RASAL2: variants seen among roughly 807,000 people sequenced by gnomAD.
RASAL2 encodes ras GTPase-activating protein nGAP.
A neutral mutation model predicts 128.9 loss-of-function variants in RASAL2; 58 were observed. That is an observed-to-expected ratio of 0.45 (90% CI 0.36 to 0.56). The LOEUF (loss-of-function observed/expected upper bound fraction) is 0.56, where lower values mean the gene tolerates loss of function less well. RASAL2 is among the 20% of genes least tolerant of loss of function. RASAL2 has a pLI of 0.00. For missense variants in RASAL2, 1,360 were observed against 1,601.6 expected (o/e 0.85, Z 2.57); for synonymous variants, 561 against 580.8 (o/e 0.97, Z 0.49).
At chr1:178,284,645 G>T (rs375611075) in intron 2 of RASAL2, among the ~76,000 whole-genome samples, 9 of 152,004 alleles carry the variant, frequency 5.9e-5, no homozygotes, top group African/African-American at 9.7e-5. Flanking sequence ...TCATTTATTT[G>T]CTTATTGGTG....
intron 1 of RASAL2, among the ~76,000 whole-genome samples, chr1:178,211,157 C>G (rs749429160): frequency 1.1e-4 from 16 of 152,174 alleles, no homozygotes; most frequent in Admixed American, 2.6e-4. Context: ...AAGAACTGCT[C>G]CTGATACCAT....
chr1:178,220,156 T>C (rs1451948746), intron 1 of RASAL2, among the ~76,000 whole-genome samples: 1 of 152,194 alleles, frequency 6.6e-6, no homozygotes, highest in Non-Finnish European at 1.5e-5. Flanking sequence ...GTGCCATGCC[T>C]GTATAGGCTG....
At chr1:178,269,462 T>C (rs1157369768) in intron 1 of RASAL2, among the ~76,000 whole-genome samples, 1 of 152,238 alleles carries the variant, frequency 6.6e-6, no homozygotes, top group Non-Finnish European at 1.5e-5. Context: ...CTTACCAGGC[T>C]GCATTCCCAG....
intron 2 of RASAL2, among the ~76,000 whole-genome samples, chr1:178,296,988 T>C (rs1667543738): frequency 6.6e-6 from 1 of 150,860 alleles, no homozygotes; most frequent in Non-Finnish European, 1.5e-5. Context: ...TTTTTTTTAG[T>C]TGAGGCAAAA....
In RASAL2 at chr1:178,177,850, C is replaced by T. The variant is rs193137605; in HGVS notation, c.202+83156C>T. 1.1e-3 allele frequency among the ~76,000 whole-genome samples: 169 copies of T among 152,164 alleles called. 1 individual carries two copies. The highest frequency in any genetic ancestry group is 3.7e-3 in the African/African-American group (155 of 41,510). On this transcript the variant is annotated intron_variant, in intron 1 of 17. Coordinates refer to ENST00000367649, the MANE Select transcript of RASAL2 (RefSeq NM_170692.4). The stretch of plus-strand genomic sequence containing the variant: ...ACTATAGAACATGATAATTCTGAAA[C>T]GTTCTGTAAATAGTTTTTGTAATTA...
At chr1:178,467,072 T>G (rs1647784020) in intron 16 of RASAL2, among the ~76,000 whole-genome samples, 1 of 152,160 alleles carries the variant, frequency 6.6e-6, no homozygotes. Context: ...ATGAAATAAG[T>G]TGTGCTCAGG....
At chr1:178,442,239 A>T (rs1676705457) in intron 7 of RASAL2, among the ~76,000 whole-genome samples, 1 of 152,164 alleles carries the variant, frequency 6.6e-6, no homozygotes, top group Non-Finnish European at 1.5e-5. Context: ...GTCTTACTGC[A>T]GATATTATTG....
chr1:178,204,641 A>G (rs927889581), intron 1 of RASAL2, among the ~76,000 whole-genome samples: 3 of 152,258 alleles, frequency 2.0e-5, no homozygotes, highest in Non-Finnish European at 4.4e-5. Flanking sequence ...TGCATAAATT[A>G]AAAAGCAAAA....
At chr1:178,272,139 G>A (rs1357073692) in intron 1 of RASAL2, among the ~76,000 whole-genome samples, 1 of 152,068 alleles carries the variant, frequency 6.6e-6, no homozygotes, top group African/African-American at 2.4e-5. Flanking sequence ...ACCCCATTAA[G>A]TTGATGTTCC....
At chr1:178,444,343 C>T (rs922590474) in intron 8 of RASAL2, among the ~76,000 whole-genome samples, 13 of 152,044 alleles carry the variant, frequency 8.6e-5, no homozygotes, top group African/African-American at 2.9e-4. Flanking sequence ...AGAATGTTAC[C>T]GTTACCCCCA....
intron 5 of RASAL2, among the ~76,000 whole-genome samples, chr1:178,425,640 G>C (rs1675468577): frequency 6.6e-6 from 1 of 151,970 alleles, no homozygotes; most frequent in Admixed American, 6.6e-5. Context: ...CCATTCTTCA[G>C]GATCTTCAAG....
At chr1:178,135,629 G>A (rs989547419) in intron 1 of RASAL2, among the ~76,000 whole-genome samples, 1 of 151,820 alleles carries the variant, frequency 6.6e-6, no homozygotes, top group Non-Finnish European at 1.5e-5. Context: ...AAAAGAAATA[G>A]CATTTTACAT....
At chr1:178,300,637 A>G (rs1425368236) in intron 3 of RASAL2, among the ~76,000 whole-genome samples, 1 of 152,134 alleles carries the variant, frequency 6.6e-6, no homozygotes, top group Admixed American at 6.6e-5. Flanking sequence ...GAGAAATCCT[A>G]CTTCCATTTT....
intron 3 of RASAL2, among the ~76,000 whole-genome samples, chr1:178,338,755 G>A (rs140351615): frequency 3.8e-4 from 58 of 152,234 alleles, no homozygotes; most frequent in African/African-American, 1.2e-3. Context: ...TACTTTTAGC[G>A]TTGCAGATAT....
chr1:178,212,426 A>T (rs542837668), intron 1 of RASAL2, among the ~76,000 whole-genome samples: 1 of 152,212 alleles, frequency 6.6e-6, no homozygotes, highest in African/African-American at 2.4e-5. Flanking sequence ...TAACGGAGGA[A>T]CTGGTAAGAG....
At chr1:178,146,310 C>T (rs1660728924) in intron 1 of RASAL2, among the ~76,000 whole-genome samples, 2 of 152,312 alleles carry the variant, frequency 1.3e-5, no homozygotes, top group South Asian at 4.1e-4. Flanking sequence ...GCTCTGTAGT[C>T]CTAAGAGGAT....
chr1:178,442,538 C>T, intron 7 of RASAL2, 137 bp from the exon 8 acceptor site: 1 of 651,066 alleles, frequency 1.5e-6, no homozygotes, highest in Non-Finnish European at 2.6e-6. Context: ...TTAACCTAAG[C>T]AATGAGATAG....
At chr1:178,447,170 G>C (rs1677060067) in intron 9 of RASAL2, among the ~76,000 whole-genome samples, 1 of 152,052 alleles carries the variant, frequency 6.6e-6, no homozygotes, top group African/African-American at 2.4e-5. Context: ...ATTAAGACGA[G>C]TTGTATCCAG....
Position 178,439,431 on chromosome 1 carries a change from G to T in RASAL2, c.684G>T (p.Gly228=). 6.2e-7 allele frequency: 1 copy of T among 1,605,430 alleles called. No homozygotes were observed. Among genetic ancestry groups the T allele is most frequent in the Non-Finnish European group, 8.5e-7 (1 of 1,176,548 alleles). The change falls in exon 6 of 18, where the codon GGG becomes GGT. Residue 228 remains glycine (G), a synonymous_variant. Coordinates refer to ENST00000367649, the MANE Select transcript of RASAL2 (RefSeq NM_170692.4). ...SLRSTDDRSR[G]LPKLKESRSH... ...CTTTTTCTACTTTTAGGTCTCGTGGGCTGCCTAAACTAAAAGAGTCACGTT... is the reference window on the plus strand; with the variant it reads ...CTTTTTCTACTTTTAGGTCTCGTGGTCTGCCTAAACTAAAAGAGTCACGTT...
Sources: gnomAD v4.1 joint callset for allele counts (sites outside exome capture counted in the v4.1 genomes callset) on GRCh38, gnomAD v4.1.1 for gene constraint, MANE v1.5 for transcripts, NCBI Gene and HGNC (gene_info 2026-07-23, HGNC 2026-07-21) for gene names.